LRMDA: variants seen among roughly 807,000 people sequenced by gnomAD.
LRMDA encodes leucine-rich melanocyte differentiation-associated protein.
LRMDA carries 18 observed loss-of-function variants against 29.8 expected under a neutral mutation model. That is an observed-to-expected ratio of 0.60 (90% CI 0.42 to 0.90). LRMDA has a LOEUF of 0.90. LRMDA is among the 40% of genes least tolerant of loss of function. The pLI is 0.00. For missense variants in LRMDA, 273 were observed against 273.9 expected (o/e 1.00, Z 0.02); for synonymous variants, 125 against 109.4 (o/e 1.14, Z -0.89).
chr10:75,901,006 C>A (rs1028463947), intron 2 of LRMDA, among the ~76,000 whole-genome samples: 2 of 152,256 alleles, frequency 1.3e-5, no homozygotes, highest in African/African-American at 4.8e-5. Context: ...TGATCCCCTA[C>A]GTAGAGCCAG....
chr10:75,919,322 T>C (rs1240340768), intron 2 of LRMDA, among the ~76,000 whole-genome samples: 1 of 152,220 alleles, frequency 6.6e-6, no homozygotes, highest in African/African-American at 2.4e-5. Context: ...AGGCTCAAGA[T>C]TCATTTACTC....
intron 6 of LRMDA, among the ~76,000 whole-genome samples, chr10:76,478,234 G>A (rs534704812): frequency 1.1e-3 from 169 of 152,152 alleles, no homozygotes; most frequent in African/African-American, 3.2e-3. Flanking sequence ...AAAAGTAGGC[G>A]AAGGATATGA....
chr10:76,318,416 A>T (rs1357628463), intron 5 of LRMDA: 1 of 152,276 alleles, frequency 6.6e-6, no homozygotes, highest in Non-Finnish European at 1.5e-5. Context: ...CATTGCCTTC[A>T]AAAGGCTTTC....
At chr10:75,749,216 A>T (rs540710243) in intron 2 of LRMDA, among the ~76,000 whole-genome samples, 1 of 152,160 alleles carries the variant, frequency 6.6e-6, no homozygotes, top group Non-Finnish European at 1.5e-5. Context: ...TCTTTTCTCT[A>T]TCTTACTTTA....
At chr10:75,810,160 TG>T (rs1300818114) in intron 2 of LRMDA, among the ~76,000 whole-genome samples, 1 of 152,132 alleles carries the variant, frequency 6.6e-6, no homozygotes, top group East Asian at 1.9e-4. Flanking sequence ...CCAGCGTAGC[TG>T]GAGTTCAGAG....
chr10:75,439,256 A>T (rs1323681518), intron 2 of LRMDA, among the ~76,000 whole-genome samples: 1 of 152,152 alleles, frequency 6.6e-6, no homozygotes, highest in African/African-American at 2.4e-5. Context: ...AGGCAGGACG[A>T]TTGCTTTTCC....
At chr10:75,989,861 AT>A (rs1259183213) in intron 2 of LRMDA, among the ~76,000 whole-genome samples, 1 of 152,182 alleles carries the variant, frequency 6.6e-6, no homozygotes, top group Admixed American at 6.5e-5. Flanking sequence ...GGCTTCTAGA[AT>A]TCTAGGGCAG....
At chr10:75,444,963 A>G (rs865872038) in intron 2 of LRMDA, among the ~76,000 whole-genome samples, 2 of 152,304 alleles carry the variant, frequency 1.3e-5, no homozygotes, top group Middle Eastern at 3.4e-3. Context: ...TCACTCTGTC[A>G]CCCAGGCTGG....
At chr10:75,969,221 G>A (rs929337848) in intron 2 of LRMDA, among the ~76,000 whole-genome samples, 2 of 152,178 alleles carry the variant, frequency 1.3e-5, no homozygotes, top group African/African-American at 2.4e-5. Flanking sequence ...TTTGTCCTGT[G>A]GTCATCTGGC....
At chr10:76,287,722 GA>G (rs1332967292) in intron 5 of LRMDA, among the ~76,000 whole-genome samples, 8 of 152,064 alleles carry the variant, frequency 5.3e-5, no homozygotes, top group Non-Finnish European at 1.2e-4. Flanking sequence ...TTTCCAAGAG[GA>G]AAAAAAGTTC....
intron 2 of LRMDA, among the ~76,000 whole-genome samples, chr10:75,976,740 G>A (rs1240760909): frequency 1.3e-5 from 2 of 152,202 alleles, no homozygotes; most frequent in African/African-American, 2.4e-5. Context: ...TTACTGATGA[G>A]GAAACTGAGG....
intron 2 of LRMDA, among the ~76,000 whole-genome samples, chr10:75,597,922 G>T (rs561539847): frequency 6.6e-6 from 1 of 152,244 alleles, no homozygotes; most frequent in African/African-American, 2.4e-5. Context: ...GTGTCAAGCT[G>T]TCAGCCTGCT....
intron 5 of LRMDA, among the ~76,000 whole-genome samples, chr10:76,188,935 TACACACAC>T (rs3998129): frequency 3.0e-3 from 425 of 141,724 alleles, no homozygotes; most frequent in African/African-American, 8.8e-3. Context: ...TGATTGCATG[TACACACAC>T]ACACACACAC....
At chr10:76,130,471 T>C (rs1333679985) in intron 5 of LRMDA, among the ~76,000 whole-genome samples, 1 of 152,232 alleles carries the variant, frequency 6.6e-6, no homozygotes, top group Non-Finnish European at 1.5e-5. Flanking sequence ...TGTTAGCCTG[T>C]GTTTTGATAC....
intron 2 of LRMDA, among the ~76,000 whole-genome samples, chr10:75,649,181 C>T (rs1322202132): frequency 6.6e-6 from 1 of 152,206 alleles, no homozygotes; most frequent in African/African-American, 2.4e-5. Context: ...CTGAGCACCA[C>T]TGAGTACCTC....
intron 2 of LRMDA, among the ~76,000 whole-genome samples, chr10:75,524,771 G>T (rs1282165488): frequency 6.6e-6 from 1 of 151,952 alleles, no homozygotes; most frequent in Non-Finnish European, 1.5e-5. Flanking sequence ...TATTTTTTTG[G>T]TCTTTCTTTT....
Position 76,018,194 on chromosome 10 carries a change from G to T in LRMDA, c.132-17814G>T, listed in dbSNP as rs986448501. On this transcript the variant is annotated intron_variant, in intron 2 of 6. Coordinates refer to ENST00000611255, the MANE Select transcript of LRMDA (RefSeq NM_001305581.2). Reference sequence around the variant, plus strand: ...AGTCTTATCCTCGATCTAATCCAGGGTTTCTTAACCTTGACACCAGTGACA... The same window carrying T: ...AGTCTTATCCTCGATCTAATCCAGGTTTTCTTAACCTTGACACCAGTGACA... 2.6e-5 allele frequency among the ~76,000 whole-genome samples: 4 copies of T among 152,316 alleles called. No individual in the cohort carries two copies. The South Asian group carries it at 6.2e-4, about 24-fold the overall frequency.
intron 2 of LRMDA, among the ~76,000 whole-genome samples, chr10:75,684,155 A>G (rs1842056148): frequency 6.6e-6 from 1 of 152,234 alleles, no homozygotes; most frequent in Admixed American, 6.5e-5. Context: ...AGTGTGAGGC[A>G]TTATCAATGT....
At chr10:75,840,272 T>A (rs1844516212) in intron 2 of LRMDA, among the ~76,000 whole-genome samples, 1 of 152,062 alleles carries the variant, frequency 6.6e-6, no homozygotes, top group Admixed American at 6.5e-5. Flanking sequence ...CACCAAAGGA[T>A]TGAGAACCCT....
Sources: gnomAD v4.1 joint callset for allele counts (sites outside exome capture counted in the v4.1 genomes callset) on GRCh38, gnomAD v4.1.1 for gene constraint, MANE v1.5 for transcripts, NCBI Gene and HGNC (gene_info 2026-07-23, HGNC 2026-07-21) for gene names.